Variants in MARCHF6 observed in about 807,000 individuals in gnomAD.
MARCHF6 encodes E3 ubiquitin-protein ligase MARCHF6.
A neutral mutation model predicts 133.7 loss-of-function variants in MARCHF6; 31 were observed. The observed-to-expected ratio is 0.23, with a 90% CI of 0.17 to 0.31. MARCHF6 has a LOEUF of 0.31. Among genes scored for constraint, MARCHF6 ranks in the 10% least tolerant of loss-of-function variants. MARCHF6 has a pLI of 1.00. For synonymous variants in MARCHF6, 395 were observed against 402.5 expected, an observed-to-expected ratio of 0.98 and a Z score of 0.22; for missense variants, 723 against 1,121.6, an observed-to-expected ratio of 0.64 and a Z score of 5.08.
At chr5:10,417,717 CAAAAAAAAAAA>C (rs748194332) in intron 22 of MARCHF6, among the ~76,000 whole-genome samples, 12 of 52,524 alleles carry the variant, frequency 2.3e-4, no homozygotes, top group East Asian at 5.8e-4. Flanking sequence ...AGCCTCTGTC[CAAAAAAAAAAA>C]AAAAAAAAAA....
At chr5:10,432,488 T>C (rs1740417098) in intron 25 of MARCHF6, among the ~76,000 whole-genome samples, 1 of 152,244 alleles carries the variant, frequency 6.6e-6, no homozygotes, top group South Asian at 2.1e-4. Flanking sequence ...CACCTACAGC[T>C]TGTTGCTTTC....
chr5:10,431,650 TGAGA>T (rs3836832), intron 25 of MARCHF6, among the ~76,000 whole-genome samples: 1 of 141,374 alleles, frequency 7.1e-6, no homozygotes, highest in African/African-American at 2.5e-5. Flanking sequence ...TGTGTGTGTG[TGAGA>T]GTGTATGTGT....
intron 1 of MARCHF6, among the ~76,000 whole-genome samples, chr5:10,356,409 T>G: frequency 6.7e-6 from 1 of 148,990 alleles, no homozygotes; most frequent in Non-Finnish European, 1.5e-5. Context: ...TTTATTTTAT[T>G]TTCCGAGATG....
intron 1 of MARCHF6, among the ~76,000 whole-genome samples, chr5:10,358,235 C>T (rs902329656): frequency 1.3e-5 from 2 of 151,820 alleles, no homozygotes; most frequent in African/African-American, 2.4e-5. Flanking sequence ...GTAGCTGTAA[C>T]GGAGTAAAAG....
chr5:10,419,050 A>T (rs566193051), intron 22 of MARCHF6, among the ~76,000 whole-genome samples: 11 of 152,316 alleles, frequency 7.2e-5, no homozygotes, highest in Admixed American at 2.0e-4. Flanking sequence ...CAAGGCATGC[A>T]TATGTGGGGA....
chr5:10,426,075 A>G (rs1250487939), intron 23 of MARCHF6, among the ~76,000 whole-genome samples: 2 of 152,224 alleles, frequency 1.3e-5, no homozygotes, highest in Non-Finnish European at 2.9e-5. Context: ...ACTTCAAGTA[A>G]TGTGGTCTTG....
chr5:10,426,634 G>A, intron 24 of MARCHF6, 112 bp downstream of exon 24: 3 of 1,167,342 alleles, frequency 2.6e-6, no homozygotes, highest in Non-Finnish European at 3.6e-6. Context: ...TTGTAAATGT[G>A]AATCCAGCTA....
Position 10,435,667 on chromosome 5 carries a change from A to T in MARCHF6, c.*1983A>T, listed in dbSNP as rs1400006967. 4 of 7,018 alleles carry T rather than the reference A, an allele frequency of 5.7e-4. No individual in the cohort carries two copies. The highest frequency in any genetic ancestry group is 3.1e-3 in the African/African-American group (3 of 968). The allele number at this position is 7,018 out of a possible 1,614,324, so 0.4% of individuals were successfully genotyped here. ...TATATATATATATATATATATATATATATATATATATATATATATATATAT... is the reference window on the plus strand; with the variant it reads ...TATATATATATATATATATATATATTTATATATATATATATATATATATAT... On this transcript the variant is annotated 3_prime_UTR_variant, in exon 26 of 26. Coordinates refer to ENST00000274140, the MANE Select transcript of MARCHF6 (RefSeq NM_005885.4).
At chr5:10,381,601 C>T (rs972966451) in intron 3 of MARCHF6, among the ~76,000 whole-genome samples, 199 bp from the exon 4 acceptor site, 12 of 151,972 alleles carry the variant, frequency 7.9e-5, no homozygotes, top group East Asian at 7.7e-4. Flanking sequence ...TTGATTTCCA[C>T]GTTTCACATG....
rs1235134884 is a variant in MARCHF6 at position 10,411,475 on chromosome 5, C to T, written c.1834C>T (p.Leu612Phe). The change falls in exon 19 of 26, where the codon CTC (leucine) becomes TTC (phenylalanine). Residue 612 changes from leucine (L) to phenylalanine (F), a missense_variant. Around this residue, in one of 4 missense-constraint regions of MARCHF6, gnomAD observed 492 missense variants for 699.5 expected, o/e 0.70. Transcript: ENST00000274140. ...EGLHAAHQAI[L>F]QQGGPVGFQP... ...CCTTCATGCAGCCCACCAAGCCATACTCCAGCAGGGAGGGCCTGTTGGCTT... is the reference window on the plus strand; with the variant it reads ...CCTTCATGCAGCCCACCAAGCCATATTCCAGCAGGGAGGGCCTGTTGGCTT... 1 of 1,614,248 alleles carries T rather than the reference C, an allele frequency of 6.2e-7. No individual in the cohort carries two copies. Among genetic ancestry groups the T allele is most frequent in the Admixed American group, 1.7e-5 (1 of 60,032 alleles).
At chr5:10,366,875 C>A (rs1048012941) in intron 1 of MARCHF6, among the ~76,000 whole-genome samples, 1 of 152,156 alleles carries the variant, frequency 6.6e-6, no homozygotes, top group Non-Finnish European at 1.5e-5. Context: ...CAACATTCTG[C>A]GTTTATGAGA....
chr5:10,430,296 T>G (rs1426828499), intron 25 of MARCHF6, among the ~76,000 whole-genome samples: 2 of 149,476 alleles, frequency 1.3e-5, no homozygotes, highest in Non-Finnish European at 3.0e-5. Flanking sequence ...TTTTTTTTTT[T>G]TGGTGGTGGT....
intron 5 of MARCHF6, among the ~76,000 whole-genome samples, chr5:10,388,225 T>G (rs1332992682): frequency 6.6e-6 from 1 of 152,186 alleles, no homozygotes; most frequent in East Asian, 1.9e-4. Context: ...GTGGGGCTAG[T>G]CAAAATAAAT....
rs536453468 is a variant in MARCHF6, at chr5:10,400,455, T to A, written c.914-329T>A. Reference sequence around the variant, plus strand: ...TTTCGTGATTATTATTTTGGACTTTTCCTTTTTTGAGCATCATAAACTCAT... The same window carrying A: ...TTTCGTGATTATTATTTTGGACTTTACCTTTTTTGAGCATCATAAACTCAT... On this transcript the variant is annotated intron_variant, in intron 10 of 25. Transcript: ENST00000274140. Among the ~76,000 whole-genome samples the A allele has an allele frequency of 5.9e-5, 9 of 152,290 alleles. No individual in the cohort carries two copies. In the South Asian group the frequency reaches 8.3e-4, roughly 14 times the overall value.
chr5:10,410,654 A>G lies in MARCHF6; in HGVS notation c.1691+378A>G, dbSNP rs182807769. Among the ~76,000 whole-genome samples the G allele has an allele frequency of 1.6e-3, 245 of 152,134 alleles. 2 individuals carry two copies. Among genetic ancestry groups the G allele is most frequent in the African/African-American group, 5.3e-3 (221 of 41,506 alleles). ...GGTTCTTCTCAAATTTGATTTCTCA[A>G]TCTTCTAGTGAACATGTTGCATTTT... is the stretch of plus-strand genomic sequence containing the variant. On this transcript the variant is annotated intron_variant, in intron 18 of 25. Coordinates refer to ENST00000274140, the MANE Select transcript of MARCHF6 (RefSeq NM_005885.4).
chr5:10,368,329 A>C (rs992428716), intron 1 of MARCHF6, among the ~76,000 whole-genome samples: 1 of 152,214 alleles, frequency 6.6e-6, no homozygotes, highest in African/African-American at 2.4e-5. Flanking sequence ...AGCTTAAAGC[A>C]TCAAAAGGTT....
At chr5:10,405,999 G>A (rs1000012748) in intron 16 of MARCHF6, among the ~76,000 whole-genome samples, 10 of 152,110 alleles carry the variant, frequency 6.6e-5, no homozygotes, top group Admixed American at 1.3e-4. Context: ...GATGGGCAGC[G>A]GTCAAGCAAG....
Position 10,368,520 on chromosome 5 carries a change from T to C in MARCHF6, c.20-9278T>C, listed in dbSNP as rs112260720. Among the ~76,000 whole-genome samples, 882 of 152,262 alleles carry C rather than the reference T, an allele frequency of 5.8e-3. 8 individuals are homozygous for C. Among genetic ancestry groups the C allele is most frequent in the Middle Eastern group, 0.024 (7 of 294 alleles). ...AGCTGGGCCTGGTGGTGTGCACATGTAGTCCCAGCTGGGAGGCTGAGGCAG... is the reference window on the plus strand; with the variant it reads ...AGCTGGGCCTGGTGGTGTGCACATGCAGTCCCAGCTGGGAGGCTGAGGCAG... On this transcript the variant is annotated intron_variant, in intron 1 of 25. Transcript: ENST00000274140.
chr5:10,387,100 G>A, intron 5 of MARCHF6, 34 bp downstream of exon 5: 1 of 1,436,890 alleles, frequency 7.0e-7, no homozygotes, highest in African/African-American at 1.4e-5. Flanking sequence ...AATGTTGCAT[G>A]ATGTAGATGA....
Sources: allele counts gnomAD v4.1 joint callset (sites outside exome capture counted in the v4.1 genomes callset), GRCh38; gene constraint gnomAD v4.1.1; regional missense constraint gnomAD v4.1.1; transcripts MANE v1.5; gene names NCBI Gene and HGNC (gene_info 2026-07-23, HGNC 2026-07-21).